Variants in SLC7A7 observed in about 807,000 individuals in gnomAD.
The protein encoded by SLC7A7 is solute carrier family 7 member 7.
Under a neutral mutation model 47.9 loss-of-function variants are expected in SLC7A7, and 39 were observed. That is an observed-to-expected ratio of 0.81 (90% CI 0.63 to 1.06). The LOEUF (loss-of-function observed/expected upper bound fraction) is 1.06. Ranked by LOEUF, SLC7A7 falls within the 50% of genes least tolerant of loss-of-function variation. SLC7A7 has a pLI of 0.00. For missense variants in SLC7A7, 588 were observed against 632.0 expected, an observed-to-expected ratio of 0.93 and a Z score of 0.75; for synonymous variants, 234 against 242.8, an observed-to-expected ratio of 0.96 and a Z score of 0.34.
At chr14:22,814,147 T>C (rs1237247697) in intron 1 of SLC7A7, among the ~76,000 whole-genome samples, 1 of 151,758 alleles carries the variant, frequency 6.6e-6, no homozygotes, top group African/African-American at 2.4e-5. Context: ...GATCTGTCTC[T>C]CATCATTAGG....
chr14:22,792,056 C>T (rs1179240655), intron 2 of SLC7A7, among the ~76,000 whole-genome samples: 1 of 152,030 alleles, frequency 6.6e-6, no homozygotes, highest in Non-Finnish European at 1.5e-5. Context: ...AGGATGGTCT[C>T]AATTTCCTGA....
At chr14:22,813,749 A>G (rs2039362224) in intron 1 of SLC7A7, among the ~76,000 whole-genome samples, 1 of 150,118 alleles carries the variant, frequency 6.7e-6, no homozygotes, top group African/African-American at 2.5e-5. Context: ...CAGCCTCCCA[A>G]GTAGCTGGGA....
At chr14:22,799,420 G>GTTTCTTTT (rs56237422) in intron 2 of SLC7A7, among the ~76,000 whole-genome samples, 19,491 of 138,964 alleles carry the variant, frequency 0.14, 1,457 homozygotes, top group East Asian at 0.2. Context: ...TGTTCCTGTG[G>GTTTCTTTT]TTTCTTTTTC....
At chr14:22,780,379 C>A in intron 2 of SLC7A7, 1 of 313,044 alleles carries the variant, frequency 3.2e-6, no homozygotes, top group Non-Finnish European at 6.2e-6. Flanking sequence ...AGTGATTGTT[C>A]CGGCTCTTGG....
chr14:22,809,939 T>C (rs1471857763), intron 2 of SLC7A7, among the ~76,000 whole-genome samples: 2 of 147,444 alleles, frequency 1.4e-5, no homozygotes, highest in African/African-American at 5.1e-5. Context: ...CTTGGGAGGC[T>C]GAGGCAAGAG....
At position 22,778,799 on chromosome 14, in the gene SLC7A7, G is replaced by A. The variant is rs959702634; in HGVS notation, c.764C>T (p.Pro255Leu). Reference sequence around the variant, plus strand: ...TTGGTGGTGCAGTACCTACCTCTCAGGATTCTTGATCTCTTCAGTGACATA... The same window carrying A: ...TTGGTGGTGCAGTACCTACCTCTCAAGATTCTTGATCTCTTCAGTGACATA... Reference protein sequence around the residue: ...LNYVTEEIKNPERNLPLSIGI... With the variant: ...LNYVTEEIKNLERNLPLSIGI... Residue 255 changes from proline to leucine, a missense_variant, in exon 4 of 10, where the codon CCT (proline) becomes CTT (leucine). Transcript: ENST00000674313. 2.5e-6 allele frequency: 4 copies of A among 1,613,952 alleles called. No individual in the cohort carries two copies. In the African/African-American group the frequency reaches 5.3e-5, roughly 22 times the overall value.
intron 2 of SLC7A7, among the ~76,000 whole-genome samples, chr14:22,800,096 C>T (rs1222751995): frequency 6.6e-6 from 1 of 152,208 alleles, no homozygotes; most frequent in African/African-American, 2.4e-5. Flanking sequence ...AAGCCACCAT[C>T]ATTTCTCACT....
chr14:22,775,462 C>G lies in SLC7A7; in HGVS notation c.1077G>C (p.Val359=). The G allele has an allele frequency of 6.2e-7, 1 of 1,614,018 alleles. No individual in the cohort carries two copies. The highest frequency in any genetic ancestry group is 8.5e-7 in the Non-Finnish European group (1 of 1,179,888). Residue 359 remains valine, a synonymous_variant, in exon 7 of 10, where the codon GTG becomes GTC. Transcript: ENST00000674313. Reference sequence around the variant, plus strand: ...CACTTACATTGAAGAGCAGAGAAGGCACTGGTGTGAACCGCTCAACATGGA... The same window carrying G: ...CACTTACATTGAAGAGCAGAGAAGGGACTGGTGTGAACCGCTCAACATGGA... ...CMIHVERFTP[V]PSLLFNGIMA...
At chr14:22,809,102 ACT>A (rs2039259164) in intron 2 of SLC7A7, among the ~76,000 whole-genome samples, 1 of 151,892 alleles carries the variant, frequency 6.6e-6, no homozygotes, top group African/African-American at 2.4e-5. Flanking sequence ...TGTGTACAAA[ACT>A]CTATGCATTT....
At chr14:22,811,744 A>C (rs1394070643) in intron 2 of SLC7A7, among the ~76,000 whole-genome samples, 2 of 150,038 alleles carry the variant, frequency 1.3e-5, no homozygotes, top group Non-Finnish European at 3.0e-5. Flanking sequence ...CCCAGCTACT[A>C]GGGAGGCTGA....
chr14:22,818,340 T>C (rs942148982), upstream of SLC7A7, among the ~76,000 whole-genome samples: 2 of 152,216 alleles, frequency 1.3e-5, no homozygotes, highest in East Asian at 1.9e-4. Context: ...TACTTCAGTC[T>C]GCCCGTGCGC....
At chr14:22,775,685 T>C in intron 6 of SLC7A7, 145 bp from the exon 7 acceptor site, 1 of 925,972 alleles carries the variant, frequency 1.1e-6, no homozygotes. Flanking sequence ...TTAAGATTAA[T>C]GACAACTGCA....
chr14:22,796,553 C>A (rs773469702), intron 2 of SLC7A7, among the ~76,000 whole-genome samples: 1 of 152,222 alleles, frequency 6.6e-6, no homozygotes, highest in Non-Finnish European at 1.5e-5. Flanking sequence ...AGAATCTTTG[C>A]CTGATCCCTG....
At chr14:22,801,249 T>C (rs981307927) in intron 2 of SLC7A7, among the ~76,000 whole-genome samples, 4 of 152,174 alleles carry the variant, frequency 2.6e-5, no homozygotes, top group African/African-American at 9.6e-5. Context: ...AATTCAACAC[T>C]GCAGCCCACC....
intron 3 of SLC7A7, 143 bp downstream of exon 3, chr14:22,779,783 T>C (rs1157497940): frequency 1.2e-6 from 1 of 835,864 alleles, no homozygotes; most frequent in East Asian, 2.7e-5. Flanking sequence ...GGCTGTTTCC[T>C]CATCCATAAA....
chr14:22,790,352 A>C lies in SLC7A7; in HGVS notation c.500-10301T>G, dbSNP rs899271076. Reference sequence around the variant, plus strand: ...CAAAAAAAAAAAAAAAAAAAAAAAAAAAACCTAACTGCAGGCAGAAAACTG... The same window carrying C: ...CAAAAAAAAAAAAAAAAAAAAAAAACAAACCTAACTGCAGGCAGAAAACTG... On this transcript the variant is annotated intron_variant, in intron 2 of 9. Coordinates refer to ENST00000674313, the MANE Select transcript of SLC7A7 (RefSeq NM_003982.4). Among the ~76,000 whole-genome samples, 24 of 141,924 alleles carry C rather than the reference A, an allele frequency of 1.7e-4. 1 individual carries two copies. Among genetic ancestry groups the C allele is most frequent in the Admixed American group, 4.3e-4 (6 of 14,112 alleles). The allele number at this position is 141,924 out of a possible 152,430, so 93.1% of individuals were successfully genotyped here.
rs1555323410 is a variant in SLC7A7 at position 22,791,848 on chromosome 14, T to TTTA, written c.500-11798_500-11797insTAA. Among the ~76,000 whole-genome samples, 624 of 138,010 alleles carry TTTA rather than the reference T, an allele frequency of 4.5e-3. 21 individuals carry two copies. Among genetic ancestry groups the TTTA allele is most frequent in the African/African-American group, 0.013 (492 of 37,432 alleles). 90.5% of individuals were successfully genotyped at this position (138,010 alleles called of 152,430 possible). A position where few individuals can be genotyped will look rare whatever the true frequency, so the allele number is the denominator to read the frequency against. The stretch of plus-strand genomic sequence containing the variant: ...CTCTACACCTTTTTTTTTTTTTTTT[T>TTTA]AATTGAGATGGAGTCTCGCTCTGTC... On this transcript the variant is annotated intron_variant, in intron 2 of 9. Coordinates refer to ENST00000674313, the MANE Select transcript of SLC7A7 (RefSeq NM_003982.4).
intron 1 of SLC7A7, 128 bp downstream of exon 1, chr14:22,815,192 A>G: frequency 2.8e-6 from 1 of 362,460 alleles, no homozygotes; most frequent in Non-Finnish European, 5.5e-6. Context: ...GGGAGAGGCT[A>G]GTCAAGCAAT....
intron 2 of SLC7A7, among the ~76,000 whole-genome samples, chr14:22,782,439 G>T (rs1262358440): frequency 2.0e-5 from 3 of 146,434 alleles, no homozygotes; most frequent in African/African-American, 5.0e-5. Flanking sequence ...CTTATTTATT[G>T]ACTTATTTAT....
Sources: allele counts gnomAD v4.1 joint callset (sites outside exome capture counted in the v4.1 genomes callset), GRCh38; gene constraint gnomAD v4.1.1; transcripts MANE v1.5; gene names NCBI Gene and HGNC (gene_info 2026-07-23, HGNC 2026-07-21).